The following TRMT44 variants were observed in gnomAD, a reference collection of about 807,000 sequenced individuals.
TRMT44 encodes the protein tRNA methyltransferase 44 homolog, also known as probable tRNA (uracil-O(2)-)-methyltransferase.
In TRMT44, 78 loss-of-function variants were observed where a neutral mutation model predicts 77.3. The observed-to-expected ratio is 1.01, with a 90% CI of 0.84 to 1.22. The LOEUF is 1.22. Ranked by LOEUF, TRMT44 falls within the 50% of genes most tolerant of loss-of-function variation. TRMT44 has a pLI of 0.00. For missense variants in TRMT44, 1,090 were observed against 964.4 expected, an observed-to-expected ratio of 1.13 and a Z score of -1.73; for synonymous variants, 391 against 383.3, an observed-to-expected ratio of 1.02 and a Z score of -0.23.
chr4:8,516,141 G>A, the TRMT44 span, among the ~76,000 whole-genome samples: 2 of 152,118 alleles, frequency 1.3e-5, no homozygotes, highest in Admixed American at 6.5e-5. Context: ...TCAGTGCGGC[G>A]CCCTCTGTGC....
chr4:8,457,428 A>C lies in TRMT44; in HGVS notation c.1203+2615A>C, dbSNP rs961087192. On this transcript the variant is annotated intron_variant, in intron 6 of 10. Transcript: ENST00000389737. ...CCTTTTAAAGTTCTGTTGATATTGG[A>C]CAATGCTCCTGGCCACCCAGAACCT... Among the ~76,000 whole-genome samples the C allele has an allele frequency of 1.1e-4, 16 of 152,176 alleles. 1 individual carries two copies. Among genetic ancestry groups the C allele is most frequent in the Admixed American group, 9.8e-4 (15 of 15,272 alleles).
At chr4:8,486,194 G>A (rs114923064) in intron 2 of TRMT44, among the ~76,000 whole-genome samples, 8,292 of 152,274 alleles carry the variant, frequency 0.054, 377 homozygotes, top group African/African-American at 0.13. Flanking sequence ...GGGGAATCTC[G>A]GGCTGCGGGC....
In TRMT44 at chr4:8,467,941, T is replaced by C. The variant is rs1464330030; in HGVS notation, c.1522T>C (p.Tyr508His). Reference sequence around the variant, plus strand: ...CTGTCTCGTTGGAAAATCCAGAACATACCCTTCCTCCAGAGAAGCTTCCGT... The same window carrying C: ...CTGTCTCGTTGGAAAATCCAGAACACACCCTTCCTCCAGAGAAGCTTCCGT... ...RVCLVGKSRT[Y>H]PSSREASVDE... is the part of the protein sequence containing the mutation. The change falls in exon 9 of 11, where the codon TAC (tyrosine) becomes CAC (histidine). Residue 508 changes from tyrosine (Y) to histidine (H), a missense_variant. Transcript: ENST00000389737. 2 of 1,612,688 alleles carry C rather than the reference T, an allele frequency of 1.2e-6. No individual in the cohort carries two copies. The highest frequency in any genetic ancestry group is 1.7e-6 in the Non-Finnish European group (2 of 1,178,856).
intron 8 of TRMT44, 50 bp from the exon 9 acceptor site, chr4:8,467,864 T>TG: frequency 6.6e-7 from 1 of 1,517,814 alleles, no homozygotes; most frequent in Non-Finnish European, 8.9e-7. Flanking sequence ...TGGAGAACGT[T>TG]GAAATAGACT....
Position 8,475,759 on chromosome 4 carries a change from T to A in TRMT44, c.2045-13T>A. 1 of 1,613,668 alleles carries A rather than the reference T, an allele frequency of 6.2e-7. No homozygotes were observed. Reference sequence around the variant, plus strand: ...TTTACTTCTCAGTGTGTCTTCTCTGTTCCAAACCACAGTTGTGAATGGGAG... The same window carrying A: ...TTTACTTCTCAGTGTGTCTTCTCTGATCCAAACCACAGTTGTGAATGGGAG... On this transcript the variant is annotated splice_polypyrimidine_tract_variant and intron_variant, in intron 10 of 10. Transcript: ENST00000389737.
intron 5 of TRMT44, chr4:8,454,430 G>A (rs1015978916): frequency 3.3e-5 from 11 of 334,258 alleles, no homozygotes; most frequent in Admixed American, 1.3e-4. Context: ...TCTTAGAGGC[G>A]TAGGCAAATA....
the TRMT44 span, chr4:8,510,355 C>G: frequency 3.9e-5 from 6 of 152,954 alleles, no homozygotes; most frequent in African/African-American, 1.4e-4. Flanking sequence ...AGCCATGTCC[C>G]CCTTCGATGG....
chr4:8,470,971 A>T, intron 9 of TRMT44, 113 bp from the exon 10 acceptor site: 2 of 701,878 alleles, frequency 2.8e-6, no homozygotes, highest in Admixed American at 4.7e-5. Context: ...TTCGTGCTGG[A>T]GTGCATAACG....
At chr4:8,499,226 C>T in the TRMT44 span, among the ~76,000 whole-genome samples, 6 of 152,066 alleles carry the variant, frequency 3.9e-5, no homozygotes, top group East Asian at 5.8e-4. Flanking sequence ...AACTCCCATC[C>T]GGCACAGGAG....
chr4:8,474,953 C>G lies in TRMT44; in HGVS notation c.2045-819C>G, dbSNP rs528602744. Among the ~76,000 whole-genome samples, 21 of 152,312 alleles carry G rather than the reference C, an allele frequency of 1.4e-4. 1 individual carries two copies. In the South Asian group the frequency reaches 3.9e-3, roughly 29 times the overall value. ...CCCACTCTGATGTCCCTCCAGCTCCCCAGTTTGGAGATCAGCCCTGGCCAT... is the reference window on the plus strand; with the variant it reads ...CCCACTCTGATGTCCCTCCAGCTCCGCAGTTTGGAGATCAGCCCTGGCCAT... On this transcript the variant is annotated intron_variant, in intron 10 of 10. Transcript: ENST00000389737.
intron 8 of TRMT44, among the ~76,000 whole-genome samples, chr4:8,466,038 G>C (rs550297102): frequency 1.3e-5 from 2 of 152,330 alleles, no homozygotes; most frequent in African/African-American, 4.8e-5. Flanking sequence ...GGGGCTTTCT[G>C]TAAGCAGTGG....
chr4:8,488,212 G>A (rs182453665), intron 2 of TRMT44, among the ~76,000 whole-genome samples: 1 of 152,314 alleles, frequency 6.6e-6, no homozygotes, highest in Admixed American at 6.5e-5. Flanking sequence ...GGAGGACAGG[G>A]GATTGATTTC....
chr4:8,465,388 A>C lies in TRMT44; in HGVS notation c.1321A>C (p.Asn441His). 1 of 1,611,568 alleles carries C rather than the reference A, an allele frequency of 6.2e-7. No individual in the cohort carries two copies. Among genetic ancestry groups the C allele is most frequent in the Non-Finnish European group, 8.5e-7 (1 of 1,179,142 alleles). Residue 441 changes from asparagine (N) to histidine (H), a missense_variant, in exon 8 of 11, where the codon AAT (asparagine) becomes CAT (histidine). Asn to His is a moderately conservative substitution (Grantham distance 68). Coordinates refer to ENST00000389737, the MANE Select transcript of TRMT44 (RefSeq NM_152544.3). Reference protein sequence around the residue: ...IPVIAARSSYNCRFFVLPCCF... With the variant: ...IPVIAARSSYHCRFFVLPCCF... Reference sequence around the variant, plus strand: ...TGGTTCTTTTTGAAGGTCTTCCTACAATTGCCGCTTCTTTGTCCTCCCCTG... The same window carrying C: ...TGGTTCTTTTTGAAGGTCTTCCTACCATTGCCGCTTCTTTGTCCTCCCCTG...
chr4:8,492,255 A>T (rs1246748567), intron 2 of TRMT44, among the ~76,000 whole-genome samples: 2 of 152,172 alleles, frequency 1.3e-5, no homozygotes, highest in East Asian at 3.9e-4. Context: ...ATGCATAACG[A>T]TCCTCAAATC....
intron 10 of TRMT44, among the ~76,000 whole-genome samples, chr4:8,472,277 T>G (rs1727056660): frequency 6.6e-6 from 1 of 152,066 alleles, no homozygotes; most frequent in African/African-American, 2.4e-5. Context: ...GAGAACAGCT[T>G]TAGGCAGAGC....
Position 8,451,724 on chromosome 4 carries a change from A to G in TRMT44, c.955-236A>G, listed in dbSNP as rs1942190537. On this transcript the variant is annotated intron_variant, in intron 3 of 10. Coordinates refer to ENST00000389737, the MANE Select transcript of TRMT44 (RefSeq NM_152544.3). This position sits in a 1 kb window ranked among gnomAD's most constrained non-coding sequence, Gnocchi z 4.1. ...TGCCTCAGCTAAATGCCTTAGGTAC[A>G]TTCTGTTGATTGTGAAATCTTGCTT... Among the ~76,000 whole-genome samples the G allele has an allele frequency of 6.6e-6, 1 of 152,194 alleles. No individual in the cohort carries two copies. Among genetic ancestry groups the G allele is most frequent in the Non-Finnish European group, 1.5e-5 (1 of 68,034 alleles).
chr4:8,476,671 A>G (rs572339508), downstream of TRMT44: 1 of 152,466 alleles, frequency 6.6e-6, no homozygotes, highest in Admixed American at 6.5e-5. Context: ...TCCCTCCTCC[A>G]TGAGACCCTC....
intron 6 of TRMT44, among the ~76,000 whole-genome samples, chr4:8,455,169 G>C (rs376484077): frequency 6.6e-6 from 1 of 152,206 alleles, no homozygotes; most frequent in South Asian, 2.1e-4. Context: ...AAGGCTGCTC[G>C]TTCAGTCAGC....
chr4:8,471,081 CAG>C lies in TRMT44; in HGVS notation c.1930_1931del. 2.5e-6 allele frequency: 4 copies of C among 1,576,192 alleles called. No individual in the cohort carries two copies. Among genetic ancestry groups the C allele is most frequent in the Non-Finnish European group, 2.6e-6 (3 of 1,165,996 alleles). The stretch of plus-strand genomic sequence containing the variant: ...GGGAAAAAAAAAACCCGTTTTTCCA[CAG>C]AGAGCCTATCTCTGGCAGAAGTAGC... On this transcript the variant is annotated splice_acceptor_variant, in intron 9 of 10. Coordinates refer to ENST00000389737, the MANE Select transcript of TRMT44 (RefSeq NM_152544.3). LOFTEE classifies it high-confidence loss of function.
Sources: allele counts gnomAD v4.1 joint callset (sites outside exome capture counted in the v4.1 genomes callset), GRCh38; gene constraint gnomAD v4.1.1; non-coding constraint Gnocchi (gnomAD v3.1); transcripts MANE v1.5; gene names NCBI Gene and HGNC (gene_info 2026-07-23, HGNC 2026-07-21).